The following TRIM71 variants were observed in gnomAD, a reference collection of about 807,000 sequenced individuals.
The protein encoded by TRIM71 is tripartite motif containing 71.
A neutral mutation model predicts 61.2 loss-of-function variants in TRIM71; 9 were observed. That is an observed-to-expected ratio of 0.15 (90% CI 0.09 to 0.26). The LOEUF (loss-of-function observed/expected upper bound fraction) is 0.26, where lower values mean the gene tolerates loss of function less well. TRIM71 is among the 10% of genes least tolerant of loss of function. The pLI is 1.00. For missense variants in TRIM71, 998 were observed against 1,238.7 expected (o/e 0.81, Z 2.92); for synonymous variants, 645 against 553.2 (o/e 1.17, Z -2.33).
At position 32,818,069 on chromosome 3, in the gene TRIM71, G is replaced by T; in HGVS notation, c.-12G>T. On this transcript the variant is annotated 5_prime_UTR_variant, in exon 1 of 4. Coordinates refer to ENST00000383763, the MANE Select transcript of TRIM71 (RefSeq NM_001039111.3). ...CTCTCTGGTCTCCTCCCTCCTCCGG[G>T]CTGGGTTGCAAATGGCTTCGTTCCC... 1 of 1,609,528 alleles carries T rather than the reference G, an allele frequency of 6.2e-7. No individual in the cohort carries two copies. Among genetic ancestry groups the T allele is most frequent in the Non-Finnish European group, 8.5e-7 (1 of 1,177,474 alleles).
chr3:32,846,868 C>T (rs1011599066), intron 1 of TRIM71, among the ~76,000 whole-genome samples: 1 of 152,126 alleles, frequency 6.6e-6, no homozygotes, highest in African/African-American at 2.4e-5. Context: ...ACAGGATTTC[C>T]TTCCTTTTAA....
intron 1 of TRIM71, among the ~76,000 whole-genome samples, chr3:32,867,022 A>C (rs997238123): frequency 1.3e-5 from 2 of 152,208 alleles, no homozygotes; most frequent in Non-Finnish European, 2.9e-5. Flanking sequence ...AGTTGCGATG[A>C]GTTCAGATGC....
intron 1 of TRIM71, among the ~76,000 whole-genome samples, chr3:32,833,775 G>T (rs753493251): frequency 5.3e-5 from 8 of 151,432 alleles, no homozygotes; most frequent in Admixed American, 1.3e-4. Context: ...CTGTTTATAA[G>T]TGAAGACATT....
chr3:32,876,811 C>T (rs986213506), intron 2 of TRIM71, among the ~76,000 whole-genome samples: 1 of 152,102 alleles, frequency 6.6e-6, no homozygotes, highest in Non-Finnish European at 1.5e-5. Context: ...ACCAACAAAT[C>T]ATGAGTGGTT....
chr3:32,852,467 G>A (rs903340593), intron 1 of TRIM71, among the ~76,000 whole-genome samples: 1 of 152,094 alleles, frequency 6.6e-6, no homozygotes, highest in Non-Finnish European at 1.5e-5. Flanking sequence ...ACTTAGAAAC[G>A]GACCCAAAGC....
rs1454170125 is a variant in TRIM71, at chr3:32,893,105, C to G, written c.*1294C>G. The G allele has an allele frequency of 1.3e-5, 2 of 152,088 alleles. No homozygotes were observed. The highest frequency in any genetic ancestry group is 2.9e-5 in the Non-Finnish European group (2 of 68,020). The allele number at this position is 152,088 out of a possible 1,614,324, so 9.4% of individuals were successfully genotyped here. The stretch of plus-strand genomic sequence containing the variant: ...CAAATTAATACCAACAGCCCAGTCC[C>G]ACACCCTCTGCTTGGGTCACTTTTT... On this transcript the variant is annotated 3_prime_UTR_variant, in exon 4 of 4. Coordinates refer to ENST00000383763, the MANE Select transcript of TRIM71 (RefSeq NM_001039111.3).
intron 1 of TRIM71, among the ~76,000 whole-genome samples, chr3:32,861,475 G>A (rs747318660): frequency 2.0e-5 from 3 of 151,564 alleles, no homozygotes; most frequent in Non-Finnish European, 2.9e-5. Context: ...GCTCACGCCT[G>A]TAATCCAAAC....
intron 1 of TRIM71, among the ~76,000 whole-genome samples, chr3:32,868,001 C>T (rs528346132): frequency 3.9e-5 from 6 of 152,154 alleles, no homozygotes; most frequent in Admixed American, 1.3e-4. Context: ...GAAGCAGCCC[C>T]GCTTAATCTT....
chr3:32,839,035 A>G (rs1248732269), intron 1 of TRIM71, among the ~76,000 whole-genome samples: 1 of 151,880 alleles, frequency 6.6e-6, no homozygotes, highest in African/African-American at 2.4e-5. Context: ...TCCTGACCTC[A>G]GTTGATCTGT....
chr3:32,834,587 A>G (rs1017782314), intron 1 of TRIM71, among the ~76,000 whole-genome samples: 1 of 152,090 alleles, frequency 6.6e-6, no homozygotes, highest in African/African-American at 2.4e-5. Flanking sequence ...ATTTTCTTAT[A>G]AAAGGAGGGA....
At position 32,896,921 on chromosome 3, in the gene TRIM71, C is replaced by G. The variant is rs542506856; in HGVS notation, c.*5110C>G. 3.3e-5 allele frequency: 5 copies of G among 152,180 alleles called. No homozygotes were observed. The East Asian group carries it at 9.6e-4, about 29-fold the overall frequency. 9.4% of individuals were successfully genotyped at this position (152,180 alleles called of 1,614,324 possible). On this transcript the variant is annotated 3_prime_UTR_variant, in exon 4 of 4. Transcript: ENST00000383763. ...TCTAGCAGTCTGTGTAGTTGTCTTT[C>G]TTCAGAGGAAGATTTTTCACATTTC... is the stretch of plus-strand genomic sequence containing the variant.
At chr3:32,856,721 A>G (rs997639115) in intron 1 of TRIM71, among the ~76,000 whole-genome samples, 2 of 152,222 alleles carry the variant, frequency 1.3e-5, no homozygotes, top group Non-Finnish European at 2.9e-5. Context: ...ACGAGCAAAC[A>G]AAGTAACCTG....
In TRIM71 at chr3:32,891,100, G is replaced by A; in HGVS notation, c.1896G>A (p.Val632=). 6.2e-7 allele frequency: 1 copy of A among 1,611,738 alleles called. No individual in the cohort carries two copies. The highest frequency in any genetic ancestry group is 8.5e-7 in the Non-Finnish European group (1 of 1,179,984). ...ACCGCAGCAACAACCGCATCCAGGT[G>A]TTCAAGCCCTGCGGCGCCTTCCACC... ...VADRSNNRIQ[V]FKPCGAFHHK... Residue 632 remains valine (V), a synonymous_variant, in exon 4 of 4, where the codon GTG becomes GTA. Transcript: ENST00000383763. This position sits in a 1 kb window ranked among gnomAD's most constrained non-coding sequence, Gnocchi z 8.2.
intron 1 of TRIM71, among the ~76,000 whole-genome samples, chr3:32,827,898 T>G (rs539645729): frequency 1.3e-5 from 2 of 152,324 alleles, no homozygotes; most frequent in African/African-American, 2.4e-5. Flanking sequence ...CCTTTTGCAG[T>G]TAAAATGTTT....
intron 1 of TRIM71, 103 bp downstream of exon 1, chr3:32,819,035 G>A: frequency 7.5e-7 from 1 of 1,330,374 alleles, no homozygotes; most frequent in Non-Finnish European, 1.1e-6. Context: ...GCCCTCTCCG[G>A]ATTTGGTTTG....
intron 1 of TRIM71, among the ~76,000 whole-genome samples, chr3:32,820,051 G>A (rs1265360008): frequency 1.3e-5 from 2 of 152,256 alleles, no homozygotes; most frequent in Non-Finnish European, 2.9e-5. Context: ...GTCTTGAGAA[G>A]CGGGCTCTTG....
At chr3:32,841,102 G>T (rs557349294) in intron 1 of TRIM71, among the ~76,000 whole-genome samples, 1 of 152,002 alleles carries the variant, frequency 6.6e-6, no homozygotes, top group African/African-American at 2.4e-5. Flanking sequence ...AAAATTAGCC[G>T]GGCGTGGTGG....
chr3:32,883,744 T>C (rs1434281073), intron 2 of TRIM71, among the ~76,000 whole-genome samples: 1 of 152,220 alleles, frequency 6.6e-6, no homozygotes, highest in Non-Finnish European at 1.5e-5. Context: ...TGGCTAGAGA[T>C]GTGCAAATAT....
chr3:32,829,949 G>T (rs1467067274), intron 1 of TRIM71, among the ~76,000 whole-genome samples: 1 of 118,384 alleles, frequency 8.4e-6, no homozygotes. Context: ...TTTTTTTCGA[G>T]ATGGAGTCTT....
Sources: gnomAD v4.1 joint callset for allele counts (sites outside exome capture counted in the v4.1 genomes callset) on GRCh38, gnomAD v4.1.1 for gene constraint, Gnocchi (gnomAD v3.1) non-coding constraint, MANE v1.5 for transcripts, NCBI Gene and HGNC (gene_info 2026-07-23, HGNC 2026-07-21) for gene names.